Variants in MTCL2 observed in about 807,000 individuals in gnomAD.
The protein encoded by MTCL2 is microtubule crosslinking factor 2, also known as microtubule cross-linking factor 2.
At chr20:36,845,516 C>A in the MTCL2 span, among the ~76,000 whole-genome samples, 1 of 152,268 alleles carries the variant, frequency 6.6e-6, no homozygotes, top group Non-Finnish European at 1.5e-5. Flanking sequence ...TGCCCGTTAG[C>A]CCCTGCTGGC....
At chr20:36,839,493 G>T in the MTCL2 span, 2 of 1,563,538 alleles carry the variant, frequency 1.3e-6, no homozygotes, top group Non-Finnish European at 1.7e-6. The surrounding 1 kb of genome is among the most constrained non-coding windows in gnomAD (Gnocchi z 5.1). Flanking sequence ...GCAGCTAGGA[G>T]GCCGGAGTAC....
the MTCL2 span, among the ~76,000 whole-genome samples, chr20:36,798,609 G>A: frequency 1.3e-5 from 2 of 152,192 alleles, no homozygotes; most frequent in Admixed American, 1.3e-4. Context: ...CAAAGACAGG[G>A]GTCCAAAAGA....
the MTCL2 span, among the ~76,000 whole-genome samples, chr20:36,789,212 C>T: frequency 6.6e-6 from 1 of 152,176 alleles, no homozygotes; most frequent in African/African-American, 2.4e-5. Context: ...CATTCAAAAT[C>T]CAGCCAGCTT....
the MTCL2 span, chr20:36,779,255 C>A: frequency 1.3e-5 from 2 of 152,584 alleles, no homozygotes; most frequent in African/African-American, 4.8e-5. Context: ...TCTGCCAGGA[C>A]AAGCAGCTCT....
chr20:36,828,942 G>A, the MTCL2 span: 4 of 1,169,438 alleles, frequency 3.4e-6, no homozygotes, highest in Admixed American at 1.2e-4. Flanking sequence ...TGCCAGGGAG[G>A]CATAAGCTGC....
At chr20:36,856,439 G>A in the MTCL2 span, among the ~76,000 whole-genome samples, 1 of 152,274 alleles carries the variant, frequency 6.6e-6, no homozygotes, top group Admixed American at 6.5e-5. Flanking sequence ...GGAACAGGGG[G>A]AGAAGGGGGA....
At chr20:36,815,018 C>T in the MTCL2 span, 7 of 1,082,240 alleles carry the variant, frequency 6.5e-6, no homozygotes, top group Non-Finnish European at 7.9e-6. The surrounding 1 kb of genome is among the most constrained non-coding windows in gnomAD (Gnocchi z 5.3). Flanking sequence ...ACTGAGATTG[C>T]ACCACTGCAC....
chr20:36,860,874 G>A, the MTCL2 span, among the ~76,000 whole-genome samples: 19 of 152,286 alleles, frequency 1.2e-4, no homozygotes, highest in South Asian at 2.1e-4. Flanking sequence ...TGGCCCAAAC[G>A]TGGGATGTCC....
chr20:36,858,749 T>C, the MTCL2 span, among the ~76,000 whole-genome samples: 485 of 152,274 alleles, frequency 3.2e-3, 2 homozygotes, highest in African/African-American at 0.011. Flanking sequence ...CCCTGATTCC[T>C]GATGACCATC....
the MTCL2 span, among the ~76,000 whole-genome samples, chr20:36,819,768 A>G: frequency 1.3e-5 from 2 of 152,208 alleles, no homozygotes; most frequent in Non-Finnish European, 2.9e-5. Context: ...AATATCTTAG[A>G]GCTCAATCAA....
the MTCL2 span, among the ~76,000 whole-genome samples, chr20:36,830,141 C>A: frequency 6.6e-6 from 1 of 152,088 alleles, no homozygotes. Flanking sequence ...CCTACCTGGG[C>A]TCTTCACACT....
the MTCL2 span, among the ~76,000 whole-genome samples, chr20:36,803,428 A>G: frequency 0.062 from 9,489 of 152,110 alleles, 1,033 homozygotes; most frequent in African/African-American, 0.22. Flanking sequence ...CAAACCTCAG[A>G]GTGGCAGGAA....
the MTCL2 span, among the ~76,000 whole-genome samples, chr20:36,802,485 C>T: frequency 6.6e-6 from 1 of 152,076 alleles, no homozygotes; most frequent in Non-Finnish European, 1.5e-5. Context: ...TTAGTTCCTC[C>T]CTCTTGGTTC....
At chr20:36,823,188 T>C in the MTCL2 span, among the ~76,000 whole-genome samples, 1 of 152,120 alleles carries the variant, frequency 6.6e-6, no homozygotes, top group Non-Finnish European at 1.5e-5. Flanking sequence ...GAGAGATCAC[T>C]TGGGGGAGAA....
chr20:36,839,273 C>A, the MTCL2 span: 20 of 1,610,648 alleles, frequency 1.2e-5, no homozygotes, highest in Non-Finnish European at 1.5e-5. This position sits in a 1 kb window ranked among gnomAD's most constrained non-coding sequence, Gnocchi z 5.1. Flanking sequence ...CCGGTCTGGG[C>A]GGCACGGAGA....
chr20:36,808,573 C>G, the MTCL2 span: 28 of 1,611,122 alleles, frequency 1.7e-5, no homozygotes, highest in Non-Finnish European at 2.3e-5. Flanking sequence ...GCTTGAGGAA[C>G]CACCTGAGCT....
chr20:36,808,779 C>A, the MTCL2 span: 1 of 1,528,858 alleles, frequency 6.5e-7, no homozygotes, highest in Non-Finnish European at 8.8e-7. Context: ...ACCCCAGGGC[C>A]CTGTCCTCTC....
At chr20:36,821,923 A>G in the MTCL2 span, among the ~76,000 whole-genome samples, 4 of 152,350 alleles carry the variant, frequency 2.6e-5, no homozygotes, top group East Asian at 7.7e-4. Flanking sequence ...TTTAAAATAT[A>G]CTTTCCCCAA....
the MTCL2 span, among the ~76,000 whole-genome samples, chr20:36,800,993 T>A: frequency 2.0e-5 from 3 of 152,334 alleles, no homozygotes; most frequent in South Asian, 6.2e-4. Context: ...TATTCATGCG[T>A]GTGCAGAAAT....
Sources: allele counts gnomAD v4.1 joint callset (sites outside exome capture counted in the v4.1 genomes callset), GRCh38; gene constraint gnomAD v4.1.1; non-coding constraint Gnocchi (gnomAD v3.1); transcripts MANE v1.5; gene names NCBI Gene and HGNC (gene_info 2026-07-23, HGNC 2026-07-21).